ENOX1: variants seen among roughly 807,000 people sequenced by gnomAD.
ENOX1 encodes candidate growth-related and time keeping constitutive hydroquinone (NADH) oxidase.
ENOX1 carries 42 observed loss-of-function variants against 82.5 expected under a neutral mutation model. That is an observed-to-expected ratio of 0.51 (90% confidence interval 0.40 to 0.66). The LOEUF (loss-of-function observed/expected upper bound fraction) is 0.66. ENOX1 is among the 30% of genes least tolerant of loss of function. ENOX1 has a pLI of 0.00. For synonymous variants in ENOX1, 271 were observed against 282.2 expected (o/e 0.96, Z 0.40); for missense variants, 608 against 811.6 (o/e 0.75, Z 3.05).
chr13:43,294,963 T>C (rs914516443), intron 12 of ENOX1, among the ~76,000 whole-genome samples: 1 of 152,044 alleles, frequency 6.6e-6, no homozygotes, highest in Admixed American at 6.5e-5. Flanking sequence ...TTGCTGGGAG[T>C]GGGGCTGACT....
At chr13:43,785,863 G>A (rs920655177) in intron 1 of ENOX1, among the ~76,000 whole-genome samples, 6 of 152,106 alleles carry the variant, frequency 3.9e-5, no homozygotes, top group Non-Finnish European at 5.9e-5. Context: ...GGGAGGACGT[G>A]GGGTGGTCTG....
intron 14 of ENOX1, among the ~76,000 whole-genome samples, chr13:43,237,100 C>A: frequency 6.6e-6 from 1 of 152,136 alleles, no homozygotes; most frequent in Non-Finnish European, 1.5e-5. Context: ...GGAAAGCATA[C>A]AGGAAACTGA....
chr13:43,326,373 T>A, intron 10 of ENOX1, 46 bp downstream of exon 10: 1 of 1,535,684 alleles, frequency 6.5e-7, no homozygotes, highest in Non-Finnish European at 9.0e-7. Context: ...TCTCTGCCAA[T>A]CCAGCTGTGT....
intron 1 of ENOX1, among the ~76,000 whole-genome samples, chr13:43,763,643 T>C (rs1212325343): frequency 2.6e-5 from 4 of 152,132 alleles, no homozygotes; most frequent in Non-Finnish European, 4.4e-5. Context: ...CTTCCCAAAA[T>C]ACCAGAAATG....
chr13:43,638,883 G>A (rs949756802), intron 2 of ENOX1, among the ~76,000 whole-genome samples: 2 of 152,212 alleles, frequency 1.3e-5, no homozygotes, highest in African/African-American at 4.8e-5. Context: ...TTCTGGCTCA[G>A]ATTAAAACTT....
chr13:43,284,212 C>G (rs2045560981), intron 12 of ENOX1, among the ~76,000 whole-genome samples: 1 of 152,046 alleles, frequency 6.6e-6, no homozygotes, highest in Non-Finnish European at 1.5e-5. Flanking sequence ...TTTACAAAAA[C>G]TTCCTGAAAG....
intron 3 of ENOX1, among the ~76,000 whole-genome samples, chr13:43,474,030 G>A (rs1465007133): frequency 6.6e-6 from 1 of 152,002 alleles, no homozygotes; most frequent in African/African-American, 2.4e-5. Context: ...AAGTATATTA[G>A]GACATCTATA....
At chr13:43,657,123 A>C (rs2084473720) in intron 2 of ENOX1, among the ~76,000 whole-genome samples, 1 of 152,216 alleles carries the variant, frequency 6.6e-6, no homozygotes, top group South Asian at 2.1e-4. Flanking sequence ...CTCATCTCAT[A>C]AAAACAAAGT....
chr13:43,725,023 C>T (rs2088844117), intron 1 of ENOX1, among the ~76,000 whole-genome samples: 1 of 152,138 alleles, frequency 6.6e-6, no homozygotes, highest in Non-Finnish European at 1.5e-5. Context: ...ACGGAATACC[C>T]TGTTATTGGG....
chr13:43,311,640 T>C (rs1325992512), intron 11 of ENOX1, among the ~76,000 whole-genome samples: 1 of 152,188 alleles, frequency 6.6e-6, no homozygotes, highest in African/African-American at 2.4e-5. Context: ...GCCGAACTGA[T>C]GTTATGCTAC....
At chr13:43,452,436 G>A (rs1468165843) in intron 3 of ENOX1, among the ~76,000 whole-genome samples, 1 of 152,166 alleles carries the variant, frequency 6.6e-6, no homozygotes, top group Admixed American at 6.5e-5. Flanking sequence ...CCATGTCCCT[G>A]CAAAGAACAT....
intron 1 of ENOX1, among the ~76,000 whole-genome samples, chr13:43,737,142 T>C (rs1287747911): frequency 2.6e-5 from 4 of 152,242 alleles, no homozygotes; most frequent in African/African-American, 9.6e-5. Context: ...AAATCAAGTA[T>C]AACCTCTAAA....
At chr13:43,463,935 G>A (rs2057604635) in intron 3 of ENOX1, among the ~76,000 whole-genome samples, 1 of 152,186 alleles carries the variant, frequency 6.6e-6, no homozygotes, top group African/African-American at 2.4e-5. Flanking sequence ...CAGGTACTGT[G>A]CTTGACATTT....
intron 12 of ENOX1, among the ~76,000 whole-genome samples, chr13:43,279,152 G>A (rs976599672): frequency 1.3e-5 from 2 of 152,152 alleles, no homozygotes; most frequent in African/African-American, 4.8e-5. Context: ...CCCCTGGGAG[G>A]GACTGGTGTG....
intron 2 of ENOX1, among the ~76,000 whole-genome samples, chr13:43,626,550 G>A (rs2153748882): frequency 6.6e-6 from 1 of 151,808 alleles, no homozygotes; most frequent in Admixed American, 6.6e-5. Flanking sequence ...CCGATACTCT[G>A]ACCCACGCAT....
At chr13:43,480,379 T>C (rs997475904) in intron 3 of ENOX1, among the ~76,000 whole-genome samples, 5 of 152,280 alleles carry the variant, frequency 3.3e-5, no homozygotes, top group East Asian at 1.9e-4. Context: ...CCTCTAAAAC[T>C]TAAGTGAAAT....
chr13:43,477,641 T>C lies in ENOX1; in HGVS notation c.-75+6368A>G, dbSNP rs182394639. The stretch of plus-strand genomic sequence containing the variant: ...CAGGTGGAAGTGAATTATCTGAATG[T>C]AGTTATATTGAGTCCTCCAGCTTTA... On this transcript the variant is annotated intron_variant, in intron 3 of 16. Coordinates refer to ENST00000690772, the MANE Select transcript of ENOX1 (RefSeq NM_001347969.2). 4.1e-4 allele frequency among the ~76,000 whole-genome samples: 63 copies of C among 152,292 alleles called. 1 individual carries two copies. In the East Asian group the frequency reaches 6.7e-3, roughly 16 times the overall value.
chr13:43,577,598 G>A (rs1349403652), intron 2 of ENOX1, among the ~76,000 whole-genome samples: 3 of 152,112 alleles, frequency 2.0e-5, no homozygotes, highest in Non-Finnish European at 4.4e-5. Flanking sequence ...CCTCCATCAA[G>A]CCATTTTATA....
At chr13:43,606,707 T>C (rs1425129705) in intron 2 of ENOX1, among the ~76,000 whole-genome samples, 1 of 151,890 alleles carries the variant, frequency 6.6e-6, no homozygotes, top group African/African-American at 2.4e-5. Context: ...TATAATTAGA[T>C]AGAATGAATA....
Sources: allele counts gnomAD v4.1 joint callset (sites outside exome capture counted in the v4.1 genomes callset), GRCh38; gene constraint gnomAD v4.1.1; transcripts MANE v1.5; gene names NCBI Gene and HGNC (gene_info 2026-07-23, HGNC 2026-07-21).